VOPP1: variants seen among roughly 807,000 people sequenced by gnomAD.
VOPP1 encodes WW domain binding protein VOPP1.
Under a neutral mutation model 23.5 loss-of-function variants are expected in VOPP1, and 8 were observed. That is an observed-to-expected ratio of 0.34 (90% CI 0.20 to 0.61). The LOEUF (loss-of-function observed/expected upper bound fraction) is 0.61. Ranked by LOEUF, VOPP1 falls within the 20% of genes least tolerant of loss-of-function variation. The probability of loss-of-function intolerance (pLI) is 0.78; values close to 1 mark genes in which losing one functional copy is unlikely to be tolerated. For synonymous variants in VOPP1, 83 were observed against 97.3 expected, an observed-to-expected ratio of 0.85 and a Z score of 0.86; for missense variants, 174 against 238.1, an observed-to-expected ratio of 0.73 and a Z score of 1.77.
chr7:55,552,005 A>T (rs79170773), intron 1 of VOPP1, among the ~76,000 whole-genome samples: 1 of 148,698 alleles, frequency 6.7e-6, no homozygotes, highest in Non-Finnish European at 1.5e-5. Flanking sequence ...CTGGGCAACA[A>T]GAGTGAGACT....
intron 1 of VOPP1, among the ~76,000 whole-genome samples, chr7:55,557,915 C>T (rs2129055484): frequency 6.6e-6 from 1 of 152,322 alleles, no homozygotes; most frequent in African/African-American, 2.4e-5. Flanking sequence ...CAAGTCTGCA[C>T]TACTTGAATT....
At chr7:55,549,246 T>C (rs562278563) in intron 1 of VOPP1, among the ~76,000 whole-genome samples, 2 of 152,212 alleles carry the variant, frequency 1.3e-5, no homozygotes, top group Non-Finnish European at 2.9e-5. Context: ...GCCATTTACA[T>C]AGACAGTCAT....
chr7:55,503,380 G>A (rs2129029435), intron 2 of VOPP1, among the ~76,000 whole-genome samples: 1 of 152,322 alleles, frequency 6.6e-6, no homozygotes, highest in African/African-American at 2.4e-5. Context: ...TGCACAGGAG[G>A]AAAGAGGGTA....
chr7:55,535,141 G>T lies in VOPP1; in HGVS notation c.55-14011C>A, dbSNP rs569049819. Among the ~76,000 whole-genome samples the T allele has an allele frequency of 1.7e-4, 26 of 152,290 alleles. 1 individual carries two copies. The highest frequency in any genetic ancestry group is 2.6e-4 in the Admixed American group (4 of 15,296). On this transcript the variant is annotated intron_variant, in intron 1 of 4. Transcript: ENST00000285279. ...TGCCCCTAAACCTCTCAGCAGCCTTGACAAAGCTCAGGGGGCTACGCAGGG... is the reference window on the plus strand; with the variant it reads ...TGCCCCTAAACCTCTCAGCAGCCTTTACAAAGCTCAGGGGGCTACGCAGGG...
chr7:55,501,932 A>G (rs1174057102), intron 2 of VOPP1, among the ~76,000 whole-genome samples: 1 of 152,178 alleles, frequency 6.6e-6, no homozygotes, highest in Non-Finnish European at 1.5e-5. Context: ...TCTGTGCTCT[A>G]GCTCTGAGCA....
chr7:55,437,897 A>ATTT (rs11400741), intron 4 of VOPP1, among the ~76,000 whole-genome samples: 32 of 142,954 alleles, frequency 2.2e-4, no homozygotes, highest in South Asian at 1.5e-3. Flanking sequence ...TCCTGTTTGT[A>ATTT]TTTTTTTTTT....
At chr7:55,535,271 G>A (rs1372611907) in intron 1 of VOPP1, among the ~76,000 whole-genome samples, 2 of 152,226 alleles carry the variant, frequency 1.3e-5, no homozygotes, top group African/African-American at 2.4e-5. Context: ...GCTTCCCCTT[G>A]AGGTCATAAT....
At chr7:55,563,812 G>C (rs115925527) in intron 1 of VOPP1, among the ~76,000 whole-genome samples, 2,202 of 152,292 alleles carry the variant, frequency 0.014, 57 homozygotes, top group African/African-American at 0.049. Flanking sequence ...TTGATTTTCA[G>C]ATTAGGGTTG....
chr7:55,457,567 T>C (rs1213970487), intron 4 of VOPP1, among the ~76,000 whole-genome samples: 1 of 152,122 alleles, frequency 6.6e-6, no homozygotes, highest in Non-Finnish European at 1.5e-5. Flanking sequence ...TAGTGATTTA[T>C]ATATCCACCA....
intron 4 of VOPP1, among the ~76,000 whole-genome samples, chr7:55,476,441 CG>C (rs1481944079): frequency 1.2e-5 from 1 of 83,208 alleles, no homozygotes; most frequent in African/African-American, 5.1e-5. Context: ...GGGGGGTGGG[CG>C]GGGGGGCTGG....
At chr7:55,494,318 G>A (rs80076602) in intron 3 of VOPP1, among the ~76,000 whole-genome samples, 3 of 152,320 alleles carry the variant, frequency 2.0e-5, no homozygotes, top group Non-Finnish European at 2.9e-5. Flanking sequence ...AAAGCACAGA[G>A]AGGCTGGATG....
chr7:55,538,652 G>A (rs1488388899), intron 1 of VOPP1: 6 of 1,535,868 alleles, frequency 3.9e-6, no homozygotes, highest in African/African-American at 2.7e-5. Context: ...GAGTTTCGCT[G>A]AGCATTGTGT....
At chr7:55,544,969 T>C (rs1330951650) in intron 1 of VOPP1, among the ~76,000 whole-genome samples, 1 of 152,208 alleles carries the variant, frequency 6.6e-6, no homozygotes, top group Non-Finnish European at 1.5e-5. Flanking sequence ...ACATATATAC[T>C]GAGAGGATAG....
At chr7:55,544,780 C>T (rs1243193088) in intron 1 of VOPP1, among the ~76,000 whole-genome samples, 3 of 152,188 alleles carry the variant, frequency 2.0e-5, no homozygotes, top group Non-Finnish European at 2.9e-5. Flanking sequence ...CTAATGAAAC[C>T]ACGAGGCCAT....
intron 4 of VOPP1, among the ~76,000 whole-genome samples, chr7:55,486,067 G>A (rs983138361): frequency 2.0e-5 from 3 of 152,232 alleles, no homozygotes; most frequent in Non-Finnish European, 1.5e-5. Context: ...AGGCACCCAT[G>A]AGTGGACCAC....
intron 1 of VOPP1, among the ~76,000 whole-genome samples, chr7:55,566,608 T>C (rs902674321): frequency 2.0e-5 from 3 of 152,218 alleles, no homozygotes; most frequent in Non-Finnish European, 4.4e-5. Context: ...GTACTCAGGA[T>C]GAAATTAACT....
chr7:55,485,224 A>G (rs1186721536), intron 4 of VOPP1, among the ~76,000 whole-genome samples: 3 of 152,102 alleles, frequency 2.0e-5, no homozygotes, highest in African/African-American at 4.8e-5. Flanking sequence ...CGCAGGTCTC[A>G]CCTAAGCAGC....
chr7:55,522,715 G>C (rs1296463437), intron 1 of VOPP1, among the ~76,000 whole-genome samples: 2 of 152,196 alleles, frequency 1.3e-5, no homozygotes, highest in African/African-American at 4.8e-5. Context: ...CCTGCCTGGG[G>C]CCTGGCTGCT....
chr7:55,554,651 C>CA (rs1385512904), intron 1 of VOPP1, among the ~76,000 whole-genome samples: 1 of 152,164 alleles, frequency 6.6e-6, no homozygotes, highest in East Asian at 1.9e-4. Context: ...CATGGACTGA[C>CA]ACAGAACCAA....
Sources: gnomAD v4.1 joint callset for allele counts (sites outside exome capture counted in the v4.1 genomes callset) on GRCh38, gnomAD v4.1.1 for gene constraint, MANE v1.5 for transcripts, NCBI Gene and HGNC (gene_info 2026-07-23, HGNC 2026-07-21) for gene names.